Variants in TENM1 observed in about 807,000 individuals in gnomAD.
TENM1 encodes the protein teneurin-1.
TENM1 carries 35 observed loss-of-function variants against 174.8 expected under a neutral mutation model. The ratio of observed to expected loss-of-function variants is 0.20; its 90% CI spans 0.15 to 0.27. The LOEUF (loss-of-function observed/expected upper bound fraction) is 0.27, where lower values mean the gene tolerates loss of function less well. TENM1 is among the 10% of genes least tolerant of loss of function. The pLI, the probability that TENM1 is intolerant of heterozygous loss-of-function variation, is 1.00. For synonymous variants in TENM1, 781 were observed against 798.7 expected (o/e 0.98, Z 0.37); for missense variants, 1,633 against 2,130.1 (o/e 0.77, Z 4.59).
chrX:125,097,102 AACC>A, the TENM1 span, among the ~76,000 whole-genome samples: 1 of 111,172 alleles, frequency 9.0e-6, no homozygotes, highest in Non-Finnish European at 1.9e-5. Flanking sequence ...CAGACTCACC[AACC>A]ACCACCACCC....
chrX:124,861,426 T>G (rs2056909864), intron 3 of TENM1, among the ~76,000 whole-genome samples: 1 of 111,716 alleles, frequency 9.0e-6, no homozygotes, highest in African/African-American at 3.3e-5. Context: ...TTGCCACACT[T>G]TTCAACCTCT....
intron 3 of TENM1, among the ~76,000 whole-genome samples, chrX:124,803,282 T>C (rs1353586931): frequency 8.9e-6 from 1 of 112,209 alleles, no homozygotes; most frequent in African/African-American, 3.2e-5. Flanking sequence ...TGCTTCTAAA[T>C]TCTGTTCTGC....
intron 23 of TENM1, among the ~76,000 whole-genome samples, chrX:124,428,525 C>A (rs1322510403): frequency 8.9e-6 from 1 of 111,847 alleles, no homozygotes; most frequent in African/African-American, 3.3e-5. Context: ...GTCCTGGTTC[C>A]CACCCTTATT....
chrX:124,432,868 C>A (rs891863150), intron 23 of TENM1, among the ~76,000 whole-genome samples: 1 of 112,551 alleles, frequency 8.9e-6, no homozygotes, highest in Non-Finnish European at 1.9e-5. Context: ...CAAATAGATA[C>A]TTAAAAAGGC....
the TENM1 span, among the ~76,000 whole-genome samples, chrX:125,163,355 A>G: frequency 9.0e-6 from 1 of 110,576 alleles, no homozygotes; most frequent in African/African-American, 3.3e-5. Context: ...ATGACATCAT[A>G]ATGATTATCT....
chrX:124,990,956 T>C, the TENM1 span, among the ~76,000 whole-genome samples: 1 of 111,408 alleles, frequency 9.0e-6, no homozygotes, highest in African/African-American at 3.3e-5. Flanking sequence ...TGACAGACAC[T>C]GTGCTAGTCA....
intron 18 of TENM1, among the ~76,000 whole-genome samples, chrX:124,514,886 G>A (rs1005137903): frequency 3.6e-5 from 4 of 110,157 alleles, no homozygotes; most frequent in African/African-American, 9.9e-5. Context: ...ACCTGGCAGA[G>A]ACACAACAGA....
chrX:124,966,610 C>G (rs1383412198), upstream of TENM1, among the ~76,000 whole-genome samples: 1 of 104,216 alleles, frequency 9.6e-6, no homozygotes, highest in Non-Finnish European at 2.0e-5. Context: ...TGCAGTGAGC[C>G]GAGATCGCGC....
chrX:124,996,365 T>C, the TENM1 span, among the ~76,000 whole-genome samples: 4 of 110,689 alleles, frequency 3.6e-5, no homozygotes, highest in African/African-American at 1.3e-4. Context: ...GAGTGGTTCA[T>C]AGGAAAACGT....
chrX:125,009,004 C>T, the TENM1 span, among the ~76,000 whole-genome samples: 6 of 108,252 alleles, frequency 5.5e-5, no homozygotes, highest in African/African-American at 2.0e-4. Context: ...GATCCAAAAG[C>T]TAGTAGAAGA....
chrX:124,503,962 G>A (rs1487751528), intron 18 of TENM1, among the ~76,000 whole-genome samples: 4 of 111,869 alleles, frequency 3.6e-5, no homozygotes, highest in African/African-American at 9.7e-5. Flanking sequence ...GGTACCATAT[G>A]TTTATGGACA....
chrX:124,799,322 T>C (rs774686471), intron 3 of TENM1, among the ~76,000 whole-genome samples: 1 of 111,753 alleles, frequency 8.9e-6, no homozygotes, highest in Non-Finnish European at 1.9e-5. Context: ...TTTCTATCCA[T>C]GAGCATGGAA....
intron 11 of TENM1, among the ~76,000 whole-genome samples, chrX:124,639,185 G>A (rs1463097676): frequency 9.0e-6 from 1 of 111,480 alleles, no homozygotes; most frequent in Non-Finnish European, 1.9e-5. Context: ...TCTGGCCCCT[G>A]CTCATCTCAC....
chrX:124,518,461 G>A (rs927991188), intron 18 of TENM1, among the ~76,000 whole-genome samples: 1 of 110,276 alleles, frequency 9.1e-6, no homozygotes, highest in East Asian at 2.9e-4. Flanking sequence ...AGCACAAAGT[G>A]CTTGCCTGTT....
At chrX:124,804,940 T>A (rs2055554670) in intron 3 of TENM1, among the ~76,000 whole-genome samples, 1 of 111,582 alleles carries the variant, frequency 9.0e-6, no homozygotes, top group South Asian at 3.7e-4. Context: ...CAAAAAAAAA[T>A]TGCAAAATGG....
At chrX:124,954,002 C>T (rs1013894595) in intron 1 of TENM1, among the ~76,000 whole-genome samples, 1 of 111,717 alleles carries the variant, frequency 9.0e-6, no homozygotes, top group East Asian at 2.8e-4. Context: ...GCAGCAAGAC[C>T]AAAGAATTTT....
At chrX:124,811,656 A>G (rs2055776844) in intron 3 of TENM1, among the ~76,000 whole-genome samples, 1 of 111,725 alleles carries the variant, frequency 9.0e-6, no homozygotes, top group South Asian at 3.7e-4. Context: ...CAGCAATCCC[A>G]CTATGGGGTA....
At chrX:124,641,666 C>T in intron 11 of TENM1, 125 bp downstream of exon 14, 1 of 590,423 alleles carries the variant, frequency 1.7e-6, no homozygotes, top group Non-Finnish European at 2.8e-6. Context: ...TAACCTAGGA[C>T]ATACCTGGAA....
the TENM1 span, among the ~76,000 whole-genome samples, chrX:125,067,975 C>T: frequency 5.4e-5 from 6 of 111,580 alleles, no homozygotes; most frequent in Non-Finnish European, 1.1e-4. Context: ...TAAGAGCTAA[C>T]ATTCTAGTAC....
Sources: allele counts gnomAD v4.1 joint callset (sites outside exome capture counted in the v4.1 genomes callset), GRCh38; gene constraint gnomAD v4.1.1; transcripts MANE v1.5; gene names NCBI Gene and HGNC (gene_info 2026-07-23, HGNC 2026-07-21).